Variants in ARF1 observed in about 807,000 individuals in gnomAD.
The protein encoded by ARF1 is ARF GTPase 1.
In ARF1, 1 loss-of-function variant was observed where a neutral mutation model predicts 18.0. That is an observed-to-expected ratio of 0.06 (90% confidence interval 0.02 to 0.26). ARF1 has a LOEUF of 0.26. ARF1 is among the 10% of genes least tolerant of loss of function. The pLI, the probability that ARF1 is intolerant of heterozygous loss-of-function variation, is 1.00. For synonymous variants in ARF1, 112 were observed against 96.3 expected (o/e 1.16, Z -0.95); for missense variants, 73 against 247.2 (o/e 0.30, Z 4.73).
chr1:228,097,098 T>C lies in ARF1; in HGVS notation c.-17T>C. 1 of 1,585,806 alleles carries C rather than the reference T, an allele frequency of 6.3e-7. No homozygotes were observed. Among genetic ancestry groups the C allele is most frequent in the South Asian group, 1.2e-5 (1 of 85,154 alleles). ...TCCAGGTGTCCCTGGCCAGTGTCCT[T>C]CCACCTGTCCACAAGCATGGGGAAC... On this transcript the variant is annotated 5_prime_UTR_variant, in exon 2 of 5. Coordinates refer to ENST00000272102, the MANE Select transcript of ARF1 (RefSeq NM_001658.4). The surrounding 1 kb of genome is among the most constrained non-coding windows in gnomAD (Gnocchi z 8.1).
rs879521010 is a variant in ARF1, at chr1:228,089,990, G to A, written c.-37-7088G>A. ...TTGTCACATCAGATAGCTCCGCTAC[G>A]TGTGCGCTGACCATGCTGAGATGGG... On this transcript the variant is annotated intron_variant, in intron 1 of 4. Transcript: ENST00000272102. The surrounding 1 kb of genome is among the most constrained non-coding windows in gnomAD (Gnocchi z 4.1). Among the ~76,000 whole-genome samples the A allele has an allele frequency of 1.1e-4, 17 of 152,352 alleles. No homozygotes were observed. The highest frequency in any genetic ancestry group is 2.0e-4 in the Admixed American group (3 of 15,306).
At chr1:228,091,952 T>C (rs1244484786) in intron 1 of ARF1, among the ~76,000 whole-genome samples, 2 of 150,904 alleles carry the variant, frequency 1.3e-5, no homozygotes, top group Non-Finnish European at 3.0e-5. Flanking sequence ...ACGAAATTGA[T>C]CATCTACACT....
chr1:228,086,645 C>T (rs2032411797), intron 1 of ARF1, among the ~76,000 whole-genome samples: 1 of 152,178 alleles, frequency 6.6e-6, no homozygotes. Context: ...GAGAATGGCA[C>T]AGCCAGGAGG....
chr1:228,092,074 A>G (rs756408773), intron 1 of ARF1, among the ~76,000 whole-genome samples: 3 of 152,206 alleles, frequency 2.0e-5, no homozygotes, highest in Non-Finnish European at 4.4e-5. Flanking sequence ...CTCAGATTAG[A>G]TAGTAAAACT....
rs982949989 is a variant in ARF1, at chr1:228,098,025, C to A, written c.*12C>A. The A allele has an allele frequency of 2.5e-6, 4 of 1,603,046 alleles. No individual in the cohort carries two copies. The highest frequency in any genetic ancestry group is 3.4e-6 in the Non-Finnish European group (4 of 1,172,500). On this transcript the variant is annotated 3_prime_UTR_variant, in exon 5 of 5. Transcript: ENST00000272102. ...GGAACCAGAAGTGAACGCGACCCCC[C>A]TCCCTCTCACTCCTCTTGCCCTCTG...
chr1:228,096,493 A>G (rs1216163179), intron 1 of ARF1: 1 of 152,440 alleles, frequency 6.6e-6, no homozygotes, highest in Admixed American at 6.5e-5. Context: ...GAGTCTCCGC[A>G]GGGCTCTGAT....
intron 1 of ARF1, among the ~76,000 whole-genome samples, chr1:228,087,562 ACCTAGGAGGTCAAGGTTG>A (rs1178497207): frequency 2.0e-5 from 3 of 152,118 alleles, no homozygotes; most frequent in Admixed American, 1.3e-4. Flanking sequence ...GATCACTTGA[ACCTAGGAGGTCAAGGTTG>A]CAGTGAGCTG....
rs1202385653 is a variant in ARF1, at chr1:228,089,186, G to C, written c.-38+6421G>C. ...TCTAAAGTCTTGAAGAGAAATGTGGGGTCGTTGTGTAGGGGCCACCATCAC... is the reference window on the plus strand; with the variant it reads ...TCTAAAGTCTTGAAGAGAAATGTGGCGTCGTTGTGTAGGGGCCACCATCAC... On this transcript the variant is annotated intron_variant, in intron 1 of 4. Transcript: ENST00000272102. The surrounding 1 kb of genome is among the most constrained non-coding windows in gnomAD (Gnocchi z 4.1). Among the ~76,000 whole-genome samples the C allele has an allele frequency of 2.6e-5, 4 of 152,168 alleles. No homozygotes were observed. The highest frequency in any genetic ancestry group is 5.9e-5 in the Non-Finnish European group (4 of 68,034).
Position 228,099,180 on chromosome 1 carries a change from T to C in ARF1, c.*1167T>C, listed in dbSNP as rs149161835. ...TTTCGACAAACAAGCACTGTAATTATAGCTATTAGAATAAAATCTCTTAAC... is the reference window on the plus strand; with the variant it reads ...TTTCGACAAACAAGCACTGTAATTACAGCTATTAGAATAAAATCTCTTAAC... On this transcript the variant is annotated 3_prime_UTR_variant, in exon 5 of 5. Transcript: ENST00000272102. The C allele has an allele frequency of 3.9e-5, 6 of 152,796 alleles. No individual in the cohort carries two copies. Among genetic ancestry groups the C allele is most frequent in the African/African-American group, 1.2e-4 (5 of 41,592 alleles). The allele number at this position is 152,796 out of a possible 1,614,324, so 9.5% of individuals were successfully genotyped here. A position where few individuals can be genotyped will look rare whatever the true frequency, so the allele number is the denominator to read the frequency against.
At position 228,082,811 on chromosome 1, in the gene ARF1, A is replaced by C. The variant is rs1350584073; in HGVS notation, c.-38+46A>C. ...CCGGTGTGGGCCGCAGAGACGTTGG[A>C]GCCGGCGGGGGCTGGGGACTGGCCT... is the stretch of plus-strand genomic sequence containing the variant. On this transcript the variant is annotated intron_variant, in intron 1 of 4. Transcript: ENST00000272102. The surrounding 1 kb of genome is among the most constrained non-coding windows in gnomAD (Gnocchi z 6.1). The C allele has an allele frequency of 6.6e-6, 1 of 151,918 alleles. No homozygotes were observed. The highest frequency in any genetic ancestry group is 1.5e-5 in the Non-Finnish European group (1 of 68,068). The allele number at this position is 151,918 out of a possible 1,614,324, so 9.4% of individuals were successfully genotyped here.
chr1:228,083,642 C>T (rs1571832588), intron 1 of ARF1: 1 of 152,264 alleles, frequency 6.6e-6, no homozygotes, highest in South Asian at 2.1e-4. Context: ...TTTAACCTAC[C>T]TGAATCTTTA....
Position 228,097,612 on chromosome 1 carries a change from G to T in ARF1, c.281G>T (p.Ser94Ile). The T allele has an allele frequency of 6.2e-7, 1 of 1,614,200 alleles. No individual in the cohort carries two copies. The highest frequency in any genetic ancestry group is 8.5e-7 in the Non-Finnish European group (1 of 1,180,040). ...NTQGLIFVVD[S>I]NDRERVNEAR... ...GCAGGCCTGATCTTCGTGGTGGACA[G>T]CAATGACAGAGAGCGTGTGAACGAG... The change falls in exon 4 of 5, where the codon AGC becomes ATC. Residue 94 changes from serine to isoleucine, a missense_variant. Physicochemically the swap from Ser to Ile is moderately radical, Grantham distance 142. Transcript: ENST00000272102. This position sits in a 1 kb window ranked among gnomAD's most constrained non-coding sequence, Gnocchi z 8.1.
chr1:228,095,442 C>T (rs1454363237), intron 1 of ARF1, among the ~76,000 whole-genome samples: 1 of 152,200 alleles, frequency 6.6e-6, no homozygotes, highest in East Asian at 1.9e-4. Flanking sequence ...CCAAGCTTGT[C>T]CAACCCTTAG....
intron 1 of ARF1, among the ~76,000 whole-genome samples, chr1:228,085,859 T>C (rs1462207060): frequency 6.6e-6 from 1 of 152,200 alleles, no homozygotes; most frequent in Non-Finnish European, 1.5e-5. Flanking sequence ...TAGTTGTGGA[T>C]TGCAAAATAC....
chr1:228,093,801 G>A (rs188504506), intron 1 of ARF1, among the ~76,000 whole-genome samples: 4 of 151,816 alleles, frequency 2.6e-5, no homozygotes, highest in African/African-American at 4.8e-5. Flanking sequence ...GGTGGCACGC[G>A]CCTGTAGTCC....
Position 228,093,514 on chromosome 1 carries a change from C to T in ARF1, c.-37-3564C>T, listed in dbSNP as rs116255732. Among the ~76,000 whole-genome samples, 672 of 151,982 alleles carry T rather than the reference C, an allele frequency of 4.4e-3. 3 individuals are homozygous for T. The highest frequency in any genetic ancestry group is 0.024 in the Middle Eastern group (7 of 294). ...TTGTCGGTAGGAGAGACCAAGCTGTCTGTGTGCCGATGTCTTGACACCTGA... is the reference window on the plus strand; with the variant it reads ...TTGTCGGTAGGAGAGACCAAGCTGTTTGTGTGCCGATGTCTTGACACCTGA... On this transcript the variant is annotated intron_variant, in intron 1 of 4. Transcript: ENST00000272102.
intron 1 of ARF1, among the ~76,000 whole-genome samples, chr1:228,087,868 A>G (rs555173592): frequency 1.3e-5 from 2 of 152,266 alleles, no homozygotes; most frequent in African/African-American, 2.4e-5. Context: ...AAAGCATGCA[A>G]TTCCTTGTTG....
chr1:228,092,135 C>G (rs894601637), intron 1 of ARF1, among the ~76,000 whole-genome samples: 6 of 152,144 alleles, frequency 3.9e-5, no homozygotes, highest in Non-Finnish European at 8.8e-5. Flanking sequence ...GTGAACTTGA[C>G]TTTAATAAAA....
intron 1 of ARF1, among the ~76,000 whole-genome samples, chr1:228,092,799 A>C (rs1373812915): frequency 6.6e-6 from 1 of 152,178 alleles, no homozygotes; most frequent in Non-Finnish European, 1.5e-5. Flanking sequence ...CCCCATGTGC[A>C]TCTGGACCAG....
Sources: allele counts gnomAD v4.1 joint callset (sites outside exome capture counted in the v4.1 genomes callset), GRCh38; gene constraint gnomAD v4.1.1; non-coding constraint Gnocchi (gnomAD v3.1); transcripts MANE v1.5; gene names NCBI Gene and HGNC (gene_info 2026-07-23, HGNC 2026-07-21).